The following DNAH14 variants were observed in gnomAD, a reference collection of about 807,000 sequenced individuals.
The protein encoded by DNAH14 is dynein axonemal heavy chain 14.
Under a neutral mutation model 520.9 loss-of-function variants are expected in DNAH14, and 478 were observed. The ratio of observed to expected loss-of-function variants is 0.92; its 90% CI spans 0.85 to 0.99. The LOEUF (loss-of-function observed/expected upper bound fraction) is 0.99, where lower values mean the gene tolerates loss of function less well. Ranked by LOEUF, DNAH14 falls within the 50% of genes least tolerant of loss-of-function variation. DNAH14 has a pLI of 0.00. For synonymous variants in DNAH14, 1,581 were observed against 1,757.2 expected (o/e 0.90, Z 2.51); for missense variants, 4,831 against 5,234.5 (o/e 0.92, Z 2.38).
chr1:225,133,948 G>T (rs1371809489), intron 27 of DNAH14, among the ~76,000 whole-genome samples: 1 of 152,014 alleles, frequency 6.6e-6, no homozygotes, highest in Non-Finnish European at 1.5e-5. Context: ...CATTTCCCTT[G>T]TTAGCTGTAA....
At chr1:225,396,429 AT>A (rs1268402563) in intron 84 of DNAH14, 2 of 152,174 alleles carry the variant, frequency 1.3e-5, no homozygotes, top group Non-Finnish European at 2.9e-5. Context: ...AATTAGCCTC[AT>A]TCTGTAGGTC....
intron 34 of DNAH14, 30 bp from the exon 35 acceptor site, chr1:225,159,284 C>T: frequency 2.6e-6 from 4 of 1,534,144 alleles, no homozygotes; most frequent in Non-Finnish European, 3.5e-6. Flanking sequence ...CTAATTTGTT[C>T]TCTGTGTTTG....
chr1:225,040,976 C>T (rs540971706), intron 12 of DNAH14, among the ~76,000 whole-genome samples: 2 of 152,240 alleles, frequency 1.3e-5, no homozygotes, highest in South Asian at 2.1e-4. Context: ...TTTCATGTAA[C>T]TTGCATTAGG....
rs1201918612 is a variant in DNAH14, at chr1:225,324,612, A to T, written c.9628-125A>T. 5 of 967,996 alleles carry T rather than the reference A, an allele frequency of 5.2e-6. No homozygotes were observed. In the Admixed American group the frequency reaches 1.1e-4, roughly 21 times the overall value. 60.0% of individuals were successfully genotyped at this position (967,996 alleles called of 1,614,324 possible). A position where few individuals can be genotyped will look rare whatever the true frequency, so the allele number is the denominator to read the frequency against. On this transcript the variant is annotated intron_variant, in intron 63 of 85. Transcript: ENST00000682510. ...ATAGGCAACTTTGTACCCCACATATACATATAGTTCTAGGAAAGTTTAATT... is the reference window on the plus strand; with the variant it reads ...ATAGGCAACTTTGTACCCCACATATTCATATAGTTCTAGGAAAGTTTAATT...
chr1:225,157,600 A>G (rs893926087), intron 34 of DNAH14, among the ~76,000 whole-genome samples: 2 of 152,040 alleles, frequency 1.3e-5, no homozygotes, highest in South Asian at 4.1e-4. Context: ...TTTTCTCTCC[A>G]TATCTATATT....
At chr1:225,101,505 C>G (rs2075453544) in intron 23 of DNAH14, among the ~76,000 whole-genome samples, 1 of 152,124 alleles carries the variant, frequency 6.6e-6, no homozygotes, top group Non-Finnish European at 1.5e-5. Flanking sequence ...CCCCCATTCT[C>G]TCCACTACTC....
chr1:225,227,339 G>A (rs1311142936), intron 41 of DNAH14, among the ~76,000 whole-genome samples: 1 of 152,102 alleles, frequency 6.6e-6, no homozygotes, highest in African/African-American at 2.4e-5. Flanking sequence ...GGAGAATGGC[G>A]ATGACTTTTA....
intron 10 of DNAH14, among the ~76,000 whole-genome samples, chr1:225,021,419 C>T (rs779255974): frequency 2.6e-5 from 4 of 152,132 alleles, no homozygotes; most frequent in Non-Finnish European, 4.4e-5. Context: ...AAAGCTCCTA[C>T]ATCTGATAAA....
intron 8 of DNAH14, among the ~76,000 whole-genome samples, chr1:224,988,629 A>G (rs1264094269): frequency 1.3e-5 from 2 of 152,190 alleles, no homozygotes; most frequent in Non-Finnish European, 2.9e-5. Flanking sequence ...TGTATACCCA[A>G]AGGAATATAA....
At chr1:225,369,490 A>C (rs890656028) in intron 77 of DNAH14, among the ~76,000 whole-genome samples, 12 of 151,978 alleles carry the variant, frequency 7.9e-5, no homozygotes, top group African/African-American at 2.9e-4. Context: ...ATATATATAT[A>C]TATATATACA....
At chr1:224,980,802 G>A (rs1330009806) in intron 8 of DNAH14, among the ~76,000 whole-genome samples, 1 of 152,120 alleles carries the variant, frequency 6.6e-6, no homozygotes, top group African/African-American at 2.4e-5. Flanking sequence ...CACAGTGGTG[G>A]TGGCCACAGT....
At position 225,226,562 on chromosome 1, in the gene DNAH14, G is replaced by A. The variant is rs942685131; in HGVS notation, c.6440-4511G>A. Among the ~76,000 whole-genome samples the A allele has an allele frequency of 3.3e-5, 5 of 152,190 alleles. 1 individual carries two copies. Among genetic ancestry groups the A allele is most frequent in the Admixed American group, 3.3e-4 (5 of 15,278 alleles). ...AGGACAAGCCCGTAGCCTCCAGTTA[G>A]GCAATTATAACATCTTAGACTGGAG... On this transcript the variant is annotated intron_variant, in intron 41 of 85. Transcript: ENST00000682510.
intron 47 of DNAH14, among the ~76,000 whole-genome samples, chr1:225,264,586 A>G (rs138085456): frequency 6.6e-6 from 1 of 152,166 alleles, no homozygotes; most frequent in African/African-American, 2.4e-5. Context: ...GCTTTTAGAC[A>G]TACTGCAATA....
At chr1:225,105,042 G>A (rs775176976) in intron 23 of DNAH14, among the ~76,000 whole-genome samples, 11 of 151,918 alleles carry the variant, frequency 7.2e-5, no homozygotes, top group South Asian at 2.1e-4. Flanking sequence ...AATTTCCCTC[G>A]ACACACTGCT....
At chr1:225,199,042 G>T (rs1353944037) in intron 38 of DNAH14, among the ~76,000 whole-genome samples, 4 of 152,042 alleles carry the variant, frequency 2.6e-5, no homozygotes, top group South Asian at 2.1e-4. Context: ...TCTATACAGG[G>T]TATCTAATTC....
At chr1:225,007,025 G>T (rs973494716) in intron 9 of DNAH14, among the ~76,000 whole-genome samples, 16 of 152,224 alleles carry the variant, frequency 1.1e-4, no homozygotes, top group Non-Finnish European at 1.6e-4. Context: ...GAAATATTGG[G>T]TGCTGGTTTC....
At chr1:225,176,460 C>A (rs773530302) in intron 36 of DNAH14, among the ~76,000 whole-genome samples, 1 of 152,124 alleles carries the variant, frequency 6.6e-6, no homozygotes, top group Non-Finnish European at 1.5e-5. Flanking sequence ...AGGTTCACTT[C>A]GTCTAGATTG....
Position 225,338,136 on chromosome 1 carries a change from T to C in DNAH14, c.10387T>C (p.Phe3463Leu), listed in dbSNP as rs1488342663. 6.4e-7 allele frequency: 1 copy of C among 1,551,806 alleles called. No homozygotes were observed. The highest frequency in any genetic ancestry group is 1.4e-5 in the African/African-American group (1 of 73,038). Reference protein sequence around the residue: ...KDIYQKKGHYFIRVGDAEFEY... With the variant: ...KDIYQKKGHYLIRVGDAEFEY... ...TATCTATCAGAAAAAAGGACACTATTTCATAAGGGTTGGTGATGCTGAGTT... is the reference window on the plus strand; with the variant it reads ...TATCTATCAGAAAAAAGGACACTATCTCATAAGGGTTGGTGATGCTGAGTT... Residue 3463 changes from phenylalanine (F) to leucine (L), a missense_variant, in exon 68 of 86, where the codon TTC becomes CTC. Physicochemically the swap from Phe to Leu is conservative, Grantham distance 22. Transcript: ENST00000682510.
intron 23 of DNAH14, among the ~76,000 whole-genome samples, chr1:225,103,845 A>G (rs58851249): frequency 0.081 from 12,356 of 152,138 alleles, 1,620 homozygotes; most frequent in African/African-American, 0.28. Context: ...AACAGGGACA[A>G]TTTGACTTCC....
Sources: allele counts gnomAD v4.1 joint callset (sites outside exome capture counted in the v4.1 genomes callset), GRCh38; gene constraint gnomAD v4.1.1; transcripts MANE v1.5; gene names NCBI Gene and HGNC (gene_info 2026-07-23, HGNC 2026-07-21).